The following KLRG1 variants were observed in gnomAD, a reference collection of about 807,000 sequenced individuals.
KLRG1 encodes killer cell lectin-like receptor subfamily G member 1.
A neutral mutation model predicts 21.8 loss-of-function variants in KLRG1; 16 were observed. The observed-to-expected ratio is 0.73, with a 90% CI of 0.50 to 1.11. KLRG1 has a LOEUF of 1.11. Ranked by LOEUF, KLRG1 falls within the 50% of genes most tolerant of loss-of-function variation. KLRG1 has a pLI of 0.00. For missense variants in KLRG1, 173 were observed against 218.3 expected (o/e 0.79, Z 1.31); for synonymous variants, 69 against 75.9 (o/e 0.91, Z 0.47).
the KLRG1 span, among the ~76,000 whole-genome samples, chr12:9,184,289 G>T: frequency 2.0e-5 from 3 of 152,056 alleles, no homozygotes; most frequent in African/African-American, 7.2e-5. Context: ...CAATGGAGCT[G>T]CCAGTGCAAA....
At chr12:9,137,600 A>G in the KLRG1 span, among the ~76,000 whole-genome samples, 59 of 152,164 alleles carry the variant, frequency 3.9e-4, 2 homozygotes, top group African/African-American at 1.3e-3. Context: ...CATTGAATCT[A>G]TAGATTGCTT....
chr12:9,141,094 A>C, the KLRG1 span, among the ~76,000 whole-genome samples: 4 of 152,216 alleles, frequency 2.6e-5, no homozygotes, highest in Non-Finnish European at 5.9e-5. Flanking sequence ...AGTAGCCATA[A>C]AGTTACAATT....
the KLRG1 span, among the ~76,000 whole-genome samples, chr12:9,094,340 C>CATATATATATATATAT: frequency 8.2e-5 from 8 of 97,030 alleles, no homozygotes; most frequent in South Asian, 4.0e-4. Flanking sequence ...AAAAATTGTG[C>CATATATATATATATAT]ATATATATAT....
chr12:9,140,198 T>C, the KLRG1 span, among the ~76,000 whole-genome samples: 1 of 152,218 alleles, frequency 6.6e-6, no homozygotes, highest in Non-Finnish European at 1.5e-5. Context: ...CATGATCCTG[T>C]CAGTTAAAAA....
intron 3 of KLRG1, among the ~76,000 whole-genome samples, chr12:8,995,569 G>A (rs1380154033): frequency 6.6e-6 from 1 of 152,142 alleles, no homozygotes; most frequent in Non-Finnish European, 1.5e-5. Flanking sequence ...TGTATGTGGG[G>A]CAAGGAGGCA....
At chr12:9,002,827 A>T (rs763172792) in intron 3 of KLRG1, among the ~76,000 whole-genome samples, 2 of 151,810 alleles carry the variant, frequency 1.3e-5, no homozygotes, top group Non-Finnish European at 2.9e-5. Context: ...TTGGCCTCTC[A>T]AAGTGCTGGA....
At chr12:9,054,775 G>A in the KLRG1 span, among the ~76,000 whole-genome samples, 1 of 152,216 alleles carries the variant, frequency 6.6e-6, no homozygotes, top group Non-Finnish European at 1.5e-5. Context: ...GTTAAGAGAG[G>A]ATCTACTATA....
chr12:9,187,614 G>A, the KLRG1 span, among the ~76,000 whole-genome samples: 3 of 152,258 alleles, frequency 2.0e-5, no homozygotes, highest in Middle Eastern at 6.8e-3. Flanking sequence ...GCAGAAATCA[G>A]GAAGTTCTTT....
the KLRG1 span, among the ~76,000 whole-genome samples, chr12:9,190,773 A>T: frequency 1.3e-5 from 2 of 152,206 alleles, no homozygotes; most frequent in Admixed American, 1.3e-4. Flanking sequence ...TGAAAATTAA[A>T]TAGGCAAATA....
At chr12:9,129,747 A>G in the KLRG1 span, among the ~76,000 whole-genome samples, 19 of 152,176 alleles carry the variant, frequency 1.2e-4, no homozygotes, top group Admixed American at 1.2e-3. Context: ...ACGGGATTTC[A>G]CCGTGTTAGC....
At chr12:8,967,501 C>T (rs1159955597) in intron 1 of KLRG1, among the ~76,000 whole-genome samples, 1 of 152,082 alleles carries the variant, frequency 6.6e-6, no homozygotes, top group East Asian at 1.9e-4. Context: ...GCAGGAGGAT[C>T]CTTTGAGCCC....
the KLRG1 span, among the ~76,000 whole-genome samples, chr12:9,209,015 G>A: frequency 4.0e-5 from 6 of 150,824 alleles, no homozygotes; most frequent in Non-Finnish European, 8.8e-5. Context: ...GCACTCTAAC[G>A]TTTGAGTCCC....
At chr12:9,066,928 ACTC>A in the KLRG1 span, 1 of 151,836 alleles carries the variant, frequency 6.6e-6, no homozygotes, top group Non-Finnish European at 1.5e-5. Flanking sequence ...TACTTCAAAA[ACTC>A]CTGAAGTTTT....
At chr12:9,185,527 A>G in the KLRG1 span, among the ~76,000 whole-genome samples, 1 of 152,244 alleles carries the variant, frequency 6.6e-6, no homozygotes, top group Non-Finnish European at 1.5e-5. Context: ...GATATCATCC[A>G]TGAGAACTTC....
the KLRG1 span, among the ~76,000 whole-genome samples, chr12:9,120,200 G>A: frequency 6.6e-6 from 1 of 152,216 alleles, no homozygotes; most frequent in Non-Finnish European, 1.5e-5. Context: ...TATAGGAACA[G>A]CATCCATCAG....
chr12:9,196,334 G>A, the KLRG1 span: 1 of 1,602,124 alleles, frequency 6.2e-7, no homozygotes, highest in Non-Finnish European at 8.6e-7. Context: ...TCTTACCTGT[G>A]CAAAAAAGGG....
At chr12:9,029,738 T>C in the KLRG1 span, among the ~76,000 whole-genome samples, 1 of 152,168 alleles carries the variant, frequency 6.6e-6, no homozygotes, top group Non-Finnish European at 1.5e-5. Context: ...AATTTTTTTC[T>C]AATAAGTCTG....
chr12:9,178,787 C>T, the KLRG1 span, among the ~76,000 whole-genome samples: 1 of 152,132 alleles, frequency 6.6e-6, no homozygotes, highest in African/African-American at 2.4e-5. Context: ...TTCAGACACC[C>T]ACTGAAGGTC....
At chr12:9,186,943 C>T in the KLRG1 span, among the ~76,000 whole-genome samples, 1 of 151,570 alleles carries the variant, frequency 6.6e-6, no homozygotes, top group African/African-American at 2.4e-5. Flanking sequence ...GGCACATGTA[C>T]ACCTATGTAA....
Sources: allele counts gnomAD v4.1 joint callset (sites outside exome capture counted in the v4.1 genomes callset), GRCh38; gene constraint gnomAD v4.1.1; transcripts MANE v1.5; gene names NCBI Gene and HGNC (gene_info 2026-07-23, HGNC 2026-07-21).